Variants in ARHGAP12 observed in about 807,000 individuals in gnomAD.
The protein encoded by ARHGAP12 is Rho GTPase activating protein 12.
A neutral mutation model predicts 108.6 loss-of-function variants in ARHGAP12; 64 were observed. That is an observed-to-expected ratio of 0.59 (90% CI 0.48 to 0.73). The LOEUF (loss-of-function observed/expected upper bound fraction) is 0.73, where lower values mean the gene tolerates loss of function less well. ARHGAP12 is among the 30% of genes least tolerant of loss of function. The pLI is 0.00. For synonymous variants in ARHGAP12, 312 were observed against 337.2 expected (o/e 0.93, Z 0.82); for missense variants, 940 against 1,005.9 (o/e 0.93, Z 0.89).
chr10:31,893,069 C>T (rs1189767583), intron 3 of ARHGAP12, among the ~76,000 whole-genome samples: 3 of 152,156 alleles, frequency 2.0e-5, no homozygotes, highest in Non-Finnish European at 2.9e-5. Context: ...AAAGACACAA[C>T]ATACCAGAAT....
At chr10:31,807,935 A>AAT in intron 19 of ARHGAP12, 103 bp from the exon 20 acceptor site, 1 of 872,034 alleles carries the variant, frequency 1.1e-6, no homozygotes, top group Non-Finnish European at 1.6e-6. Context: ...AAAGAGAAGT[A>AAT]ATACTTATTT....
intron 3 of ARHGAP12, among the ~76,000 whole-genome samples, chr10:31,871,105 C>A (rs920930982): frequency 1.3e-5 from 2 of 152,126 alleles, no homozygotes; most frequent in African/African-American, 2.4e-5. Context: ...ACACAGCATG[C>A]AGAAAAAGTT....
chr10:31,860,648 T>C (rs1182978058), intron 4 of ARHGAP12, among the ~76,000 whole-genome samples: 1 of 152,184 alleles, frequency 6.6e-6, no homozygotes, highest in Non-Finnish European at 1.5e-5. Context: ...CATATATAAA[T>C]AAAACAATGG....
chr10:31,891,576 G>A lies in ARHGAP12; in HGVS notation c.684+16596C>T, dbSNP rs1425291598. Among the ~76,000 whole-genome samples, 3 of 151,082 alleles carry A rather than the reference G, an allele frequency of 2.0e-5. No individual in the cohort carries two copies. The East Asian group carries it at 5.8e-4, about 29-fold the overall frequency. Reference sequence around the variant, plus strand: ...TATGTATCTTGGAGTTGCTCTTCTCGAGGAGTATCTCTGTGGCGTTCTCTG... The same window carrying A: ...TATGTATCTTGGAGTTGCTCTTCTCAAGGAGTATCTCTGTGGCGTTCTCTG... On this transcript the variant is annotated intron_variant, in intron 3 of 19. Coordinates refer to ENST00000344936, the MANE Select transcript of ARHGAP12 (RefSeq NM_018287.7).
intron 6 of ARHGAP12, among the ~76,000 whole-genome samples, chr10:31,852,052 G>C (rs1836700585): frequency 6.6e-6 from 1 of 152,022 alleles, no homozygotes. Flanking sequence ...CTAAATCCTA[G>C]GACATCTTAT....
At chr10:31,819,727 T>C (rs1354835809) in intron 12 of ARHGAP12, among the ~76,000 whole-genome samples, 1 of 152,112 alleles carries the variant, frequency 6.6e-6, no homozygotes, top group Non-Finnish European at 1.5e-5. Flanking sequence ...ATGAGGTCAC[T>C]TGAGACCATC....
chr10:31,847,761 G>A (rs1384945384), intron 6 of ARHGAP12, among the ~76,000 whole-genome samples: 1 of 152,126 alleles, frequency 6.6e-6, no homozygotes, highest in Non-Finnish European at 1.5e-5. Context: ...TCTCCATAGT[G>A]CCCAGGCAGG....
chr10:31,808,722 C>T lies in ARHGAP12; in HGVS notation c.2293G>A (p.Val765Ile), dbSNP rs34750454. ...KQEPRQRVAA[V>I]KDLIRQLPKP... The stretch of plus-strand genomic sequence containing the variant: ...GGCAACTGTCTGATTAGGTCCTTAA[C>T]AGCAGCGACTCGCTGTCTTGGTTCT... The change falls in exon 19 of 20, where the codon GTT (valine) becomes ATT (isoleucine). Residue 765 changes from valine to isoleucine, a missense_variant. By Grantham distance (29) the Val-to-Ile change is conservative (BLOSUM62 3). Transcript: ENST00000344936. 7.4e-6 allele frequency: 12 copies of T among 1,613,720 alleles called. No individual in the cohort carries two copies. Among genetic ancestry groups the T allele is most frequent in the Middle Eastern group, 1.6e-4 (1 of 6,082 alleles).
At chr10:31,875,690 A>T (rs1837703056) in intron 3 of ARHGAP12, among the ~76,000 whole-genome samples, 1 of 152,220 alleles carries the variant, frequency 6.6e-6, no homozygotes, top group Admixed American at 6.5e-5. Flanking sequence ...AATATACATA[A>T]CATAAAATGT....
rs150891430 is a variant in ARHGAP12 at position 31,866,027 on chromosome 10, A to G, written c.685-4369T>C. Among the ~76,000 whole-genome samples the G allele has an allele frequency of 3.5e-3, 532 of 152,362 alleles. 5 individuals carry two copies. The highest frequency in any genetic ancestry group is 0.011 in the African/African-American group (478 of 41,588). ...TTGCTTTATGAATTAAAATGAGAAC[A>G]TAAGTTTAAAGTCAGCATATGATCT... On this transcript the variant is annotated intron_variant, in intron 3 of 19. Transcript: ENST00000344936.
At chr10:31,888,820 A>G (rs1322015147) in intron 3 of ARHGAP12, among the ~76,000 whole-genome samples, 1 of 152,216 alleles carries the variant, frequency 6.6e-6, no homozygotes, top group East Asian at 1.9e-4. Flanking sequence ...GTTAAGAAAA[A>G]GAGAGATTAA....
rs1365139033 is a variant in ARHGAP12 at position 31,814,250 on chromosome 10, A to C, written c.1834+9T>G. 2 of 1,609,012 alleles carry C rather than the reference A, an allele frequency of 1.2e-6. No homozygotes were observed. The highest frequency in any genetic ancestry group is 2.7e-5 in the African/African-American group (2 of 74,738). On this transcript the variant is annotated intron_variant, in intron 14 of 19. Transcript: ENST00000344936. ...AAATCCTTAGCAAAATAGGGAAAGG[A>C]CAACTTACAACGAAGCTTTTTGGGA...
chr10:31,810,620 A>G, intron 16 of ARHGAP12, 29 bp downstream of exon 16: 1 of 503,356 alleles, frequency 2.0e-6, no homozygotes, highest in Non-Finnish European at 2.8e-6. Context: ...GCTTAATGTT[A>G]AAAAAAAAAA....
chr10:31,882,355 A>C (rs550032377), intron 3 of ARHGAP12, among the ~76,000 whole-genome samples: 10 of 151,962 alleles, frequency 6.6e-5, no homozygotes, highest in South Asian at 2.1e-4. Context: ...CCCCAAAAGT[A>C]ATGTTGATGA....
At chr10:31,920,569 T>C (rs1839763101) in intron 1 of ARHGAP12, among the ~76,000 whole-genome samples, 1 of 151,642 alleles carries the variant, frequency 6.6e-6, no homozygotes, top group Non-Finnish European at 1.5e-5. Context: ...AAATCCACGA[T>C]TTGTAAGTTT....
At chr10:31,869,550 CA>C (rs1564401301) in intron 3 of ARHGAP12, among the ~76,000 whole-genome samples, 1 of 151,734 alleles carries the variant, frequency 6.6e-6, no homozygotes, top group Non-Finnish European at 1.5e-5. Flanking sequence ...AACAAACAAA[CA>C]AACAAACAAC....
At chr10:31,852,146 C>G (rs913794246) in intron 6 of ARHGAP12, among the ~76,000 whole-genome samples, 2 of 152,086 alleles carry the variant, frequency 1.3e-5, no homozygotes, top group Non-Finnish European at 2.9e-5. Flanking sequence ...TACTGAGTTA[C>G]TTTTCTTTCT....
intron 13 of ARHGAP12, among the ~76,000 whole-genome samples, chr10:31,817,445 T>G (rs917732460): frequency 1.3e-5 from 2 of 152,196 alleles, no homozygotes; most frequent in Non-Finnish European, 2.9e-5. Context: ...CGCCTCAGAC[T>G]TCTTCCACCA....
Position 31,812,811 on chromosome 10 carries a change from G to T in ARHGAP12, c.1847C>A (p.Ser616Tyr). Residue 616 changes from serine (S) to tyrosine (Y), a missense_variant, in exon 15 of 20, where the codon TCT becomes TAT. Coordinates refer to ENST00000344936, the MANE Select transcript of ARHGAP12 (RefSeq NM_018287.7). ...TTTCTGTTCTGAAGAATCTATGCTA[G>T]ATACTTTAAAGGCTTAAGACAAAAA... is the stretch of plus-strand genomic sequence containing the variant. ...DPKKLRSFKV[S>Y]SIDSSEQKKT... 6.3e-7 allele frequency: 1 copy of T among 1,583,660 alleles called. No individual in the cohort carries two copies.
Sources: allele counts gnomAD v4.1 joint callset (sites outside exome capture counted in the v4.1 genomes callset), GRCh38; gene constraint gnomAD v4.1.1; transcripts MANE v1.5; gene names NCBI Gene and HGNC (gene_info 2026-07-23, HGNC 2026-07-21).